PCDHGA4: variants seen among roughly 807,000 people sequenced by gnomAD.
The protein encoded by PCDHGA4 is protocadherin gamma subfamily A, 4, also known as protocadherin gamma-A4.
A neutral mutation model predicts 54.6 loss-of-function variants in PCDHGA4; 38 were observed. The ratio of observed to expected loss-of-function variants is 0.70; its 90% CI spans 0.54 to 0.91. The LOEUF (loss-of-function observed/expected upper bound fraction) is 0.91, where lower values mean the gene tolerates loss of function less well. Ranked by LOEUF, PCDHGA4 falls within the 40% of genes least tolerant of loss-of-function variation. The probability of loss-of-function intolerance (pLI) is 0.00; values close to 1 mark genes in which losing one functional copy is unlikely to be tolerated. For synonymous variants in PCDHGA4, 511 were observed against 512.9 expected, an observed-to-expected ratio of 1.00 and a Z score of 0.05; for missense variants, 1,298 against 1,220.9, an observed-to-expected ratio of 1.06 and a Z score of -0.94.
intron 1 of PCDHGA4, chr5:141,384,854 C>T: frequency 6.2e-7 from 1 of 1,613,702 alleles, no homozygotes; most frequent in Non-Finnish European, 8.5e-7. Context: ...CACGGTCAGC[C>T]TCCTCTGTCA....
chr5:141,419,845 G>A, intron 1 of PCDHGA4: 3 of 1,614,064 alleles, frequency 1.9e-6, no homozygotes, highest in Non-Finnish European at 2.5e-6. Context: ...CGCTGCACCT[G>A]GTGTTCGCAG....
chr5:141,486,012 A>C lies in PCDHGA4; in HGVS notation c.2515-8795A>C. The C allele has an allele frequency of 1.9e-6, 3 of 1,614,064 alleles. No homozygotes were observed. The highest frequency in any genetic ancestry group is 2.5e-6 in the Non-Finnish European group (3 of 1,179,984). On this transcript the variant is annotated intron_variant, in intron 1 of 3. Coordinates refer to ENST00000571252, the MANE Select transcript of PCDHGA4 (RefSeq NM_018917.4). The surrounding 1 kb of genome is among the most constrained non-coding windows in gnomAD (Gnocchi z 5.0). ...GGTCCCAGTGGTAACGTCACCTTTT[A>C]TTTCAGTGGTCATACCCCTGATCGT...
chr5:141,394,619 C>T, intron 1 of PCDHGA4: 1 of 1,613,528 alleles, frequency 6.2e-7, no homozygotes, highest in Non-Finnish European at 8.5e-7. Flanking sequence ...GCCAGAACGC[C>T]TGGCTGTCCT....
chr5:141,431,053 G>A lies in PCDHGA4; in HGVS notation c.2515-63754G>A, dbSNP rs1208370015. On this transcript the variant is annotated intron_variant, in intron 1 of 3. Coordinates refer to ENST00000571252, the MANE Select transcript of PCDHGA4 (RefSeq NM_018917.4). This position sits in a 1 kb window ranked among gnomAD's most constrained non-coding sequence, Gnocchi z 4.8. ...TAGACCGGGAGGAGCTCTGTATGGG[G>A]GCCATCAAGTGTCAATTAAATCTAG... 1 of 1,614,174 alleles carries A rather than the reference G, an allele frequency of 6.2e-7. No homozygotes were observed. Among genetic ancestry groups the A allele is most frequent in the Admixed American group, 1.7e-5 (1 of 60,030 alleles).
chr5:141,355,714 C>A lies in PCDHGA4; in HGVS notation c.607C>A (p.Leu203Ile). 6.2e-7 allele frequency: 1 copy of A among 1,614,048 alleles called. No individual in the cohort carries two copies. The highest frequency in any genetic ancestry group is 2.2e-5 in the East Asian group (1 of 44,888). Reference protein sequence around the residue: ...VGVNSLQGYQLNSNGYFSLDV... With the variant: ...VGVNSLQGYQINSNGYFSLDV... ...TGTAAACTCCCTGCAGGGTTACCAG[C>A]TCAACTCAAACGGTTACTTTTCCCT... Residue 203 changes from leucine (L) to isoleucine (I), a missense_variant, in exon 1 of 4, where the codon CTC becomes ATC. Physicochemically the swap from Leu to Ile is conservative, Grantham distance 5 (BLOSUM62 2). Coordinates refer to ENST00000571252, the MANE Select transcript of PCDHGA4 (RefSeq NM_018917.4).
intron 1 of PCDHGA4, chr5:141,390,863 T>C (rs1292623547): frequency 6.6e-6 from 1 of 150,928 alleles, no homozygotes. Flanking sequence ...GTACGCTGTG[T>C]GTGCGTGTGT....
chr5:141,356,422 A>G lies in PCDHGA4; in HGVS notation c.1315A>G (p.Arg439Gly), dbSNP rs1310371925. 6.2e-7 allele frequency: 1 copy of G among 1,606,490 alleles called. No individual in the cohort carries two copies. The highest frequency in any genetic ancestry group is 8.5e-7 in the Non-Finnish European group (1 of 1,175,764). Residue 439 changes from arginine (R) to glycine (G), a missense_variant, in exon 1 of 4, where the codon AGA (arginine) becomes GGA (glycine). Arg to Gly is a moderately radical substitution (Grantham distance 125). Coordinates refer to ENST00000571252, the MANE Select transcript of PCDHGA4 (RefSeq NM_018917.4). ...AAATTATTATCGGTTGTTGACACAC[A>G]GAACACTGGACAGGGAAGAAGTCTC... ...YGNYYRLLTH[R>G]TLDREEVSEY... is the part of the protein sequence containing the mutation.
intron 2 of PCDHGA4, among the ~76,000 whole-genome samples, chr5:141,503,393 G>A (rs954734829): frequency 2.0e-5 from 3 of 151,824 alleles, no homozygotes; most frequent in African/African-American, 4.8e-5. Flanking sequence ...TCAGGAGTTC[G>A]AAACCAACCT....
intron 2 of PCDHGA4, among the ~76,000 whole-genome samples, chr5:141,496,352 G>A (rs2099768243): frequency 2.0e-5 from 3 of 152,200 alleles, no homozygotes; most frequent in South Asian, 2.1e-4. Context: ...GAGTCTCAGA[G>A]CCCAGGGAGA....
At chr5:141,395,648 T>G (rs2093296043) in intron 1 of PCDHGA4, 1 of 167,156 alleles carries the variant, frequency 6.0e-6, no homozygotes, top group South Asian at 1.9e-4. Context: ...GTTATTAGCT[T>G]AGCAAAAGTA....
At position 141,399,586 on chromosome 5, in the gene PCDHGA4, A is replaced by G. The variant is rs751097540; in HGVS notation, c.2514+41965A>G. The G allele has an allele frequency of 6.2e-6, 10 of 1,613,830 alleles. No individual in the cohort carries two copies. The East Asian group carries it at 1.3e-4, about 22-fold the overall frequency. Reference sequence around the variant, plus strand: ...GTTGAACGGCCAAGTCTCCTACTCTATCATGGCCAGCGACCTAGAGCCTCT... The same window carrying G: ...GTTGAACGGCCAAGTCTCCTACTCTGTCATGGCCAGCGACCTAGAGCCTCT... On this transcript the variant is annotated intron_variant, in intron 1 of 3. Coordinates refer to ENST00000571252, the MANE Select transcript of PCDHGA4 (RefSeq NM_018917.4).
chr5:141,444,280 T>C (rs1217749098), intron 1 of PCDHGA4, among the ~76,000 whole-genome samples: 1 of 147,614 alleles, frequency 6.8e-6, no homozygotes, highest in East Asian at 2.1e-4. Context: ...CAAGTGATTC[T>C]CCTGCCTCAG....
At chr5:141,427,732 G>T in intron 1 of PCDHGA4, 1 of 1,190,370 alleles carries the variant, frequency 8.4e-7, no homozygotes, top group Non-Finnish European at 1.2e-6. Context: ...GGGCTGAATG[G>T]CCAAGTCTCC....
chr5:141,499,689 CTTTTTTTTTTTT>C (rs545067566), intron 2 of PCDHGA4, among the ~76,000 whole-genome samples: 1 of 119,856 alleles, frequency 8.3e-6, no homozygotes, highest in Non-Finnish European at 1.7e-5. Flanking sequence ...TAACAGATGA[CTTTTTTTTTTTT>C]TTTTTTTTTT....
chr5:141,405,437 T>A, intron 1 of PCDHGA4: 1 of 1,433,230 alleles, frequency 7.0e-7, no homozygotes, highest in Non-Finnish European at 9.6e-7. Context: ...GTTTTGTTTT[T>A]GAGACAGAGT....
rs779065098 is a variant in PCDHGA4 at position 141,491,758 on chromosome 5, C to T, written c.2515-3049C>T. 1.8e-5 allele frequency: 29 copies of T among 1,578,670 alleles called. No homozygotes were observed. Among genetic ancestry groups the T allele is most frequent in the Non-Finnish European group, 2.2e-5 (26 of 1,163,530 alleles). ...TGGGGGCGGCACTGGAGAAGCCGCC[C>T]GTCCTCATAAGGGATTGAACTTGCA... On this transcript the variant is annotated intron_variant, in intron 1 of 3. Transcript: ENST00000571252. The surrounding 1 kb of genome is among the most constrained non-coding windows in gnomAD (Gnocchi z 6.9).
intron 1 of PCDHGA4, chr5:141,393,595 T>C: frequency 6.2e-7 from 1 of 1,613,866 alleles, no homozygotes; most frequent in Non-Finnish European, 8.5e-7. Context: ...GGCACGCGGC[T>C]GCTTACTGTA....
At chr5:141,418,955 G>C in intron 1 of PCDHGA4, 4 of 1,614,050 alleles carry the variant, frequency 2.5e-6, no homozygotes, top group Non-Finnish European at 3.4e-6. Flanking sequence ...AGGAGTGGTT[G>C]TTGCCCTCTT....
chr5:141,383,761 C>G (rs923900490), intron 1 of PCDHGA4: 15 of 1,613,834 alleles, frequency 9.3e-6, no homozygotes, highest in Non-Finnish European at 1.1e-5. Flanking sequence ...AACTCCTAAA[C>G]TTCCAAAGAT....
Sources: allele counts gnomAD v4.1 joint callset (sites outside exome capture counted in the v4.1 genomes callset), GRCh38; gene constraint gnomAD v4.1.1; non-coding constraint Gnocchi (gnomAD v3.1); transcripts MANE v1.5; gene names NCBI Gene and HGNC (gene_info 2026-07-23, HGNC 2026-07-21).